CCDC60: variants seen among roughly 807,000 people sequenced by gnomAD.
CCDC60 encodes coiled-coil domain-containing protein 60.
In CCDC60, 54 loss-of-function variants were observed where a neutral mutation model predicts 63.5. That is an observed-to-expected ratio of 0.85 (90% CI 0.68 to 1.07). The LOEUF (loss-of-function observed/expected upper bound fraction) is 1.07, where lower values mean the gene tolerates loss of function less well. Among genes scored for constraint, CCDC60 ranks in the 50% least tolerant of loss-of-function variants. The pLI, the probability that CCDC60 is intolerant of heterozygous loss-of-function variation, is 0.00. For missense variants in CCDC60, 651 were observed against 684.3 expected, an observed-to-expected ratio of 0.95 and a Z score of 0.54; for synonymous variants, 206 against 238.8, an observed-to-expected ratio of 0.86 and a Z score of 1.27.
chr12:119,530,934 G>A lies in CCDC60; in HGVS notation c.1422G>A (p.Lys474=), dbSNP rs200916080. The A allele has an allele frequency of 1.1e-5, 18 of 1,614,068 alleles. No individual in the cohort carries two copies. Among genetic ancestry groups the A allele is most frequent in the Non-Finnish European group, 1.4e-5 (17 of 1,180,012 alleles). The change falls in exon 13 of 14, where the codon AAG becomes AAA. Residue 474 remains lysine, a synonymous_variant. Transcript: ENST00000327554. Reference sequence around the variant, plus strand: ...TAAAGAACTTCCGCCCCGCCAAAAAGATCCTGGTGAAACTGCAGAAGTTTG... The same window carrying A: ...TAAAGAACTTCCGCCCCGCCAAAAAAATCCTGGTGAAACTGCAGAAGTTTG... ...EDLKNFRPAK[K]ILVKLQKFGE... is the part of the protein sequence containing the mutation.
intron 1 of CCDC60, among the ~76,000 whole-genome samples, chr12:119,336,338 T>C (rs1955471478): frequency 6.6e-6 from 1 of 152,204 alleles, no homozygotes; most frequent in African/African-American, 2.4e-5. Context: ...ACATTCCCGT[T>C]GCTATCAATG....
chr12:119,471,014 G>A (rs191519458), intron 2 of CCDC60, among the ~76,000 whole-genome samples: 17 of 152,276 alleles, frequency 1.1e-4, no homozygotes, highest in African/African-American at 3.4e-4. Flanking sequence ...AACTGAATTT[G>A]AGAACCAACA....
At chr12:119,529,782 G>T (rs113433280) in intron 12 of CCDC60, among the ~76,000 whole-genome samples, 2 of 152,128 alleles carry the variant, frequency 1.3e-5, no homozygotes. Flanking sequence ...GAATTTGGGG[G>T]GAGGAGGAAA....
At chr12:119,497,074 A>G (rs1304613022) in intron 5 of CCDC60, among the ~76,000 whole-genome samples, 1 of 152,168 alleles carries the variant, frequency 6.6e-6, no homozygotes, top group Non-Finnish European at 1.5e-5. Context: ...ACGAGGCAGA[A>G]AAAGGAATCC....
At chr12:119,452,287 T>A (rs1206491994) in intron 2 of CCDC60, among the ~76,000 whole-genome samples, 1 of 152,222 alleles carries the variant, frequency 6.6e-6, no homozygotes, top group African/African-American at 2.4e-5. Context: ...AAAGCAGTTT[T>A]GAATATCCAA....
intron 1 of CCDC60, among the ~76,000 whole-genome samples, chr12:119,341,947 C>G (rs1439919629): frequency 6.6e-6 from 1 of 152,130 alleles, no homozygotes; most frequent in African/African-American, 2.4e-5. Context: ...ATCTTTTAAT[C>G]CCATAGAGAG....
chr12:119,443,810 T>C (rs561134598), intron 2 of CCDC60, among the ~76,000 whole-genome samples: 126 of 152,346 alleles, frequency 8.3e-4, no homozygotes, highest in African/African-American at 2.8e-3. Flanking sequence ...TACTAGCTTT[T>C]TGAGTATGGA....
At chr12:119,534,936 T>C (rs1852595366) in intron 13 of CCDC60, among the ~76,000 whole-genome samples, 1 of 152,242 alleles carries the variant, frequency 6.6e-6, no homozygotes, top group Non-Finnish European at 1.5e-5. Flanking sequence ...CCTCATAAAA[T>C]GAGTTGGGGA....
intron 5 of CCDC60, among the ~76,000 whole-genome samples, chr12:119,492,487 A>G (rs1166235553): frequency 2.0e-5 from 3 of 152,212 alleles, no homozygotes; most frequent in Non-Finnish European, 4.4e-5. Flanking sequence ...ATAAGAAAAC[A>G]CCTTTTCAGT....
At chr12:119,412,970 G>A (rs892755139) in intron 1 of CCDC60, among the ~76,000 whole-genome samples, 1 of 152,022 alleles carries the variant, frequency 6.6e-6, no homozygotes, top group Admixed American at 6.5e-5. Context: ...CAAGCCTCCC[G>A]CATTTCCAGA....
intron 1 of CCDC60, among the ~76,000 whole-genome samples, chr12:119,360,617 C>T (rs1202695517): frequency 2.0e-5 from 3 of 151,186 alleles, no homozygotes; most frequent in East Asian, 1.9e-4. Flanking sequence ...CCAAACAGGG[C>T]GGCGGGGCAG....
intron 2 of CCDC60, among the ~76,000 whole-genome samples, chr12:119,441,939 A>G (rs2136261997): frequency 6.6e-6 from 1 of 152,330 alleles, no homozygotes; most frequent in African/African-American, 2.4e-5. Flanking sequence ...TAGAGTTTGC[A>G]TATGCTCAGC....
At chr12:119,346,774 C>CTT (rs71451837) in intron 1 of CCDC60, among the ~76,000 whole-genome samples, 22 of 125,394 alleles carry the variant, frequency 1.8e-4, no homozygotes, top group Admixed American at 6.9e-4. Context: ...ACTCATCTTT[C>CTT]TCTTTCTTTC....
intron 2 of CCDC60, among the ~76,000 whole-genome samples, chr12:119,437,545 G>A (rs1950349825): frequency 6.6e-6 from 1 of 152,154 alleles, no homozygotes; most frequent in African/African-American, 2.4e-5. Flanking sequence ...CCAGCAGGAG[G>A]AACAGACCTC....
At position 119,443,468 on chromosome 12, in the gene CCDC60, C is replaced by T. The variant is rs554292056; in HGVS notation, c.170+14706C>T. Reference sequence around the variant, plus strand: ...ACACCTGTATAGTTCTCAGGAGTAACAACTGGGATGCTAGACGGGAAATGG... The same window carrying T: ...ACACCTGTATAGTTCTCAGGAGTAATAACTGGGATGCTAGACGGGAAATGG... On this transcript the variant is annotated intron_variant, in intron 2 of 13. Transcript: ENST00000327554. Among the ~76,000 whole-genome samples the T allele has an allele frequency of 2.0e-5, 3 of 152,296 alleles. No individual in the cohort carries two copies. In the East Asian group the frequency reaches 5.8e-4, roughly 29 times the overall value.
intron 5 of CCDC60, among the ~76,000 whole-genome samples, chr12:119,491,454 G>A (rs983060369): frequency 1.3e-5 from 2 of 152,082 alleles, no homozygotes; most frequent in Admixed American, 6.6e-5. Flanking sequence ...TCAGCCTCCT[G>A]AGCAGCTGGG....
At chr12:119,392,177 CA>C (rs772063784) in intron 1 of CCDC60, among the ~76,000 whole-genome samples, 1 of 152,128 alleles carries the variant, frequency 6.6e-6, no homozygotes, top group Non-Finnish European at 1.5e-5. Flanking sequence ...GTAGTGGTCC[CA>C]AGACCTAGGA....
At chr12:119,356,392 TATTC>T (rs1565968523) in intron 1 of CCDC60, among the ~76,000 whole-genome samples, 1 of 152,252 alleles carries the variant, frequency 6.6e-6, no homozygotes, top group African/African-American at 2.4e-5. Flanking sequence ...TTTATATTCA[TATTC>T]ATTCATTCAC....
chr12:119,468,925 T>G (rs1047172746), intron 2 of CCDC60, among the ~76,000 whole-genome samples: 3 of 151,642 alleles, frequency 2.0e-5, no homozygotes, highest in Admixed American at 6.6e-5. Flanking sequence ...AATTAAAATT[T>G]TTTTAAAAAT....
Sources: gnomAD v4.1 joint callset for allele counts (sites outside exome capture counted in the v4.1 genomes callset) on GRCh38, gnomAD v4.1.1 for gene constraint, MANE v1.5 for transcripts, NCBI Gene and HGNC (gene_info 2026-07-23, HGNC 2026-07-21) for gene names.